CYP2J2: variants seen among roughly 807,000 people sequenced by gnomAD.
The protein encoded by CYP2J2 is cytochrome P450 family 2 subfamily J member 2, also known as cytochrome P450 2J2.
A neutral mutation model predicts 48.8 loss-of-function variants in CYP2J2; 41 were observed. That is an observed-to-expected ratio of 0.84 (90% CI 0.66 to 1.09). CYP2J2 has a LOEUF of 1.09. Ranked by LOEUF, CYP2J2 falls within the 50% of genes least tolerant of loss-of-function variation. CYP2J2 has a pLI of 0.00. For missense variants in CYP2J2, 644 were observed against 617.3 expected (o/e 1.04, Z -0.46); for synonymous variants, 221 against 227.1 (o/e 0.97, Z 0.24).
At chr1:59,904,443 T>C (rs906635802) in intron 7 of CYP2J2, 4 of 156,844 alleles carry the variant, frequency 2.6e-5, no homozygotes, top group African/African-American at 7.2e-5. Context: ...TTTCACATTT[T>C]AGCATTCTAG....
chr1:59,924,321 C>A (rs1373714665), intron 1 of CYP2J2, among the ~76,000 whole-genome samples: 1 of 151,948 alleles, frequency 6.6e-6, no homozygotes. Flanking sequence ...TTCTTCAGAT[C>A]TGAAAGGATA....
In CYP2J2 at chr1:59,893,848, A is replaced by T. The variant is rs1306449613; in HGVS notation, c.1331-19T>A. The T allele has an allele frequency of 6.3e-7, 1 of 1,586,164 alleles. No individual in the cohort carries two copies. The highest frequency in any genetic ancestry group is 2.2e-5 in the East Asian group (1 of 44,518). ...CGCTTTCCTGTAAGACAAAATCAAA[A>T]GACGGGTTATCTTCTCAGGTGGCAT... On this transcript the variant is annotated intron_variant, in intron 8 of 8. Coordinates refer to ENST00000371204, the MANE Select transcript of CYP2J2 (RefSeq NM_000775.4).
At chr1:59,926,013 A>T (rs1345657356) in intron 1 of CYP2J2, among the ~76,000 whole-genome samples, 1 of 152,208 alleles carries the variant, frequency 6.6e-6, no homozygotes, top group Non-Finnish European at 1.5e-5. Context: ...TGGTTCAGTC[A>T]GGAGTCTGAA....
At chr1:59,954,069 A>T in the CYP2J2 span, among the ~76,000 whole-genome samples, 3 of 152,140 alleles carry the variant, frequency 2.0e-5, no homozygotes, top group African/African-American at 7.2e-5. Flanking sequence ...GCTTCAGTAA[A>T]ATCTTTGAGT....
At chr1:59,915,301 T>C (rs1203752748) in intron 2 of CYP2J2, among the ~76,000 whole-genome samples, 1 of 152,222 alleles carries the variant, frequency 6.6e-6, no homozygotes, top group Non-Finnish European at 1.5e-5. Flanking sequence ...GTCTTATTTC[T>C]TTTCTCAGTC....
intron 1 of CYP2J2, 105 bp from the exon 2 acceptor site, chr1:59,916,205 G>T: frequency 2.2e-6 from 2 of 890,412 alleles, no homozygotes; most frequent in African/African-American, 1.7e-5. Context: ...GAGTGCGTGT[G>T]TCTGTGTCTG....
At chr1:59,908,060 C>A in intron 5 of CYP2J2, 133 bp from the exon 6 acceptor site, 1 of 837,198 alleles carries the variant, frequency 1.2e-6, no homozygotes, top group South Asian at 1.7e-5. Flanking sequence ...TTCCCTTTGG[C>A]CTCTTCAGAA....
At chr1:59,930,470 T>A (rs1644597778), upstream of CYP2J2, among the ~76,000 whole-genome samples, 1 of 152,190 alleles carries the variant, frequency 6.6e-6, no homozygotes, top group Non-Finnish European at 1.5e-5. Context: ...CTTATTGTGA[T>A]TTTGATCTTA....
chr1:59,907,695 T>C, intron 6 of CYP2J2, 91 bp downstream of exon 6: 1 of 1,402,476 alleles, frequency 7.1e-7, no homozygotes, highest in Non-Finnish European at 9.9e-7. Context: ...CTTTTCATCC[T>C]ACAATGCTAT....
chr1:59,960,253 A>G, the CYP2J2 span, among the ~76,000 whole-genome samples: 2 of 152,226 alleles, frequency 1.3e-5, no homozygotes, highest in African/African-American at 4.8e-5. Flanking sequence ...GTGAATGACT[A>G]GAGCTAATTC....
At chr1:59,900,788 C>G (rs1449923641) in intron 8 of CYP2J2, among the ~76,000 whole-genome samples, 177 bp downstream of exon 8, 3 of 152,118 alleles carry the variant, frequency 2.0e-5, no homozygotes, top group Non-Finnish European at 4.4e-5. Flanking sequence ...TAAGGGCAGG[C>G]TGAAGCAATG....
chr1:59,964,277 C>T, the CYP2J2 span, among the ~76,000 whole-genome samples: 1 of 152,198 alleles, frequency 6.6e-6, no homozygotes, highest in Admixed American at 6.5e-5. Flanking sequence ...TCACCTCTGC[C>T]TGGCACTGAC....
the CYP2J2 span, among the ~76,000 whole-genome samples, chr1:59,934,407 A>T: frequency 6.6e-6 from 1 of 152,198 alleles, no homozygotes; most frequent in African/African-American, 2.4e-5. Flanking sequence ...AAGCTTCTTC[A>T]CAACAAAGGA....
chr1:59,915,117 T>A (rs1214420131), intron 2 of CYP2J2, among the ~76,000 whole-genome samples: 2 of 152,224 alleles, frequency 1.3e-5, no homozygotes, highest in Non-Finnish European at 2.9e-5. Flanking sequence ...GTTTTCTTGC[T>A]GACCTTCTCC....
the CYP2J2 span, among the ~76,000 whole-genome samples, chr1:59,963,816 AAG>A: frequency 6.6e-6 from 1 of 152,214 alleles, no homozygotes; most frequent in African/African-American, 2.4e-5. Context: ...ATCTGCAAAC[AAG>A]ACAGCTTTAA....
the CYP2J2 span, among the ~76,000 whole-genome samples, chr1:59,945,867 C>A: frequency 6.6e-6 from 1 of 152,208 alleles, no homozygotes; most frequent in East Asian, 1.9e-4. Flanking sequence ...TGTTAATTGG[C>A]AAATCTACTT....
At chr1:59,938,095 TG>T in the CYP2J2 span, among the ~76,000 whole-genome samples, 1 of 152,192 alleles carries the variant, frequency 6.6e-6, no homozygotes, top group African/African-American at 2.4e-5. Flanking sequence ...GTTCATTTGG[TG>T]AAGGCATGTT....
rs374403267 is a variant in CYP2J2, at chr1:59,893,723, C to T, written c.1437G>A (p.Leu479=). 6.2e-7 allele frequency: 1 copy of T among 1,613,398 alleles called. No homozygotes were observed. Among genetic ancestry groups the T allele is most frequent in the African/African-American group, 1.3e-5 (1 of 75,046 alleles). ...FTFRPPNNEK[L]SLKFRMGITI... ...TGATACCCATTCTAAACTTCAGGCTCAGCTTCTCATTGTTTGGGGGCCTGA... is the reference window on the plus strand; with the variant it reads ...TGATACCCATTCTAAACTTCAGGCTTAGCTTCTCATTGTTTGGGGGCCTGA... The change falls in exon 9 of 9, where the codon CTG becomes CTA. Residue 479 remains leucine, a synonymous_variant. Coordinates refer to ENST00000371204, the MANE Select transcript of CYP2J2 (RefSeq NM_000775.4).
At position 59,909,691 on chromosome 1, in the gene CYP2J2, G is replaced by A. The variant is rs1309789281; in HGVS notation, c.861+93C>T. The A allele has an allele frequency of 7.7e-6, 7 of 908,546 alleles. No individual in the cohort carries two copies. In the Admixed American group the frequency reaches 8.8e-5, roughly 11 times the overall value. The allele number at this position is 908,546 out of a possible 1,614,324, so 56.3% of individuals were successfully genotyped here. ...CAATCTGTGCTATTTTAGGCACCAAGTTTGTGATCATATTTTACAGCAGCA... is the reference window on the plus strand; with the variant it reads ...CAATCTGTGCTATTTTAGGCACCAAATTTGTGATCATATTTTACAGCAGCA... On this transcript the variant is annotated intron_variant, in intron 5 of 8. Transcript: ENST00000371204.
Sources: allele counts gnomAD v4.1 joint callset (sites outside exome capture counted in the v4.1 genomes callset), GRCh38; gene constraint gnomAD v4.1.1; transcripts MANE v1.5; gene names NCBI Gene and HGNC (gene_info 2026-07-23, HGNC 2026-07-21).